The following SLC6A17 variants were observed in gnomAD, a reference collection of about 807,000 sequenced individuals.
The protein encoded by SLC6A17 is solute carrier family 6 member 17.
SLC6A17 carries 21 observed loss-of-function variants against 64.5 expected under a neutral mutation model. The observed-to-expected ratio is 0.33, with a 90% CI of 0.23 to 0.47. SLC6A17 has a LOEUF of 0.47. Ranked by LOEUF, SLC6A17 falls within the 20% of genes least tolerant of loss-of-function variation. SLC6A17 has a pLI of 1.00. For synonymous variants in SLC6A17, 372 were observed against 399.5 expected, an observed-to-expected ratio of 0.93 and a Z score of 0.82; for missense variants, 682 against 963.2, an observed-to-expected ratio of 0.71 and a Z score of 3.86.
At chr1:110,186,564 G>C (rs566904326) in intron 6 of SLC6A17, among the ~76,000 whole-genome samples, 1 of 152,124 alleles carries the variant, frequency 6.6e-6, no homozygotes, top group Non-Finnish European at 1.5e-5. Flanking sequence ...TATTCTAGAA[G>C]ACAGCATCTT....
At chr1:110,151,608 G>A (rs1368026764) in intron 1 of SLC6A17, among the ~76,000 whole-genome samples, 2 of 152,296 alleles carry the variant, frequency 1.3e-5, no homozygotes, top group African/African-American at 2.4e-5. Flanking sequence ...CTGGATGCTC[G>A]CAGTACTATG....
chr1:110,195,733 A>T lies in SLC6A17; in HGVS notation c.1640A>T (p.Tyr547Phe). The T allele has an allele frequency of 6.2e-7, 1 of 1,614,188 alleles. No individual in the cohort carries two copies. Among genetic ancestry groups the T allele is most frequent in the Non-Finnish European group, 8.5e-7 (1 of 1,180,030 alleles). ...GAGAACATCGCTGTGGCCTGGATTT[A>T]TGGAACCAAGAAGTAAGAGGAACAT... ...ILENIAVAWI[Y>F]GTKKFMQELT... Residue 547 changes from tyrosine to phenylalanine, a missense_variant, in exon 10 of 12, where the codon TAT becomes TTT. By Grantham distance (22) the Tyr-to-Phe change is conservative. Coordinates refer to ENST00000331565, the MANE Select transcript of SLC6A17 (RefSeq NM_001010898.4).
chr1:110,181,792 AGT>A (rs34512655), intron 6 of SLC6A17, among the ~76,000 whole-genome samples: 120,150 of 151,824 alleles, frequency 0.79, 47,790 homozygotes, highest in African/African-American at 0.82. Flanking sequence ...GGGAACAATG[AGT>A]GTGAAAAGGA....
chr1:110,195,571 C>G lies in SLC6A17; in HGVS notation c.1493-15C>G, dbSNP rs758076603. The G allele has an allele frequency of 2.5e-5, 40 of 1,613,766 alleles. No individual in the cohort carries two copies. The highest frequency in any genetic ancestry group is 3.3e-5 in the Admixed American group (2 of 60,022). On this transcript the variant is annotated splice_polypyrimidine_tract_variant and intron_variant, in intron 9 of 11. Coordinates refer to ENST00000331565, the MANE Select transcript of SLC6A17 (RefSeq NM_001010898.4). Reference sequence around the variant, plus strand: ...TGCACCTTTGCCCCCAAACCGGCCTCCCGGCTCTCTGTAGTGGGCTGCTGT... The same window carrying G: ...TGCACCTTTGCCCCCAAACCGGCCTGCCGGCTCTCTGTAGTGGGCTGCTGT...
At chr1:110,184,563 G>C (rs1433005725) in intron 6 of SLC6A17, among the ~76,000 whole-genome samples, 1 of 152,230 alleles carries the variant, frequency 6.6e-6, no homozygotes, top group Non-Finnish European at 1.5e-5. Flanking sequence ...AGCACAGAAA[G>C]GGTGGATAAC....
chr1:110,154,132 T>C (rs1026252520), intron 1 of SLC6A17, among the ~76,000 whole-genome samples: 3 of 152,240 alleles, frequency 2.0e-5, no homozygotes, highest in Admixed American at 2.0e-4. Flanking sequence ...CAGTTGCTTA[T>C]TGAGGCTTCT....
chr1:110,160,249 G>A (rs1361341916), intron 1 of SLC6A17, among the ~76,000 whole-genome samples: 2 of 152,204 alleles, frequency 1.3e-5, no homozygotes, highest in African/African-American at 4.8e-5. Context: ...CCCCTGGCTG[G>A]GACATGCAGA....
In SLC6A17 at chr1:110,192,222, C is replaced by T; in HGVS notation, c.1106+9C>T. ...GAGAAGTGTGTGGTCGAGTAGGTGG[C>T]ATCTCTCCTCCTGTCCCTCCTTCTC... On this transcript the variant is annotated intron_variant, in intron 7 of 11. Coordinates refer to ENST00000331565, the MANE Select transcript of SLC6A17 (RefSeq NM_001010898.4). This position sits in a 1 kb window ranked among gnomAD's most constrained non-coding sequence, Gnocchi z 4.3. The T allele has an allele frequency of 1.2e-6, 2 of 1,602,790 alleles. No homozygotes were observed. Among genetic ancestry groups the T allele is most frequent in the Non-Finnish European group, 1.7e-6 (2 of 1,172,024 alleles).
rs772852640 is a variant in SLC6A17, at chr1:110,172,135, G to A, written c.362G>A (p.Gly121Asp). The A allele has an allele frequency of 3.1e-6, 5 of 1,613,892 alleles. No individual in the cohort carries two copies. Among genetic ancestry groups the A allele is most frequent in the Non-Finnish European group, 4.2e-6 (5 of 1,179,974 alleles). ...IPLFFLELAV[G>D]QRIRRGSIGV... ...CTCTTCTTCCTGGAGCTGGCTGTGG[G>A]TCAGAGGATCCGCCGCGGCAGCATC... Residue 121 changes from glycine (G) to aspartate (D), a missense_variant, in exon 3 of 12, where the codon GGT becomes GAT. This residue lies in a region of SLC6A17 where 415 missense variants were observed against 603.8 expected (regional missense o/e 0.69). Transcript: ENST00000331565.
At chr1:110,153,225 T>G (rs1557827155) in intron 1 of SLC6A17, among the ~76,000 whole-genome samples, 1 of 152,096 alleles carries the variant, frequency 6.6e-6, no homozygotes, top group East Asian at 1.9e-4. Context: ...GTCACTTCTC[T>G]TTGTTCAGGT....
In SLC6A17 at chr1:110,200,229, T is replaced by G. The variant is rs1657088130; in HGVS notation, c.*1785T>G. The G allele has an allele frequency of 2.5e-6, 1 of 396,760 alleles. No homozygotes were observed. Among genetic ancestry groups the G allele is most frequent in the African/African-American group, 2.1e-5 (1 of 48,308 alleles). 24.6% of individuals were successfully genotyped at this position (396,760 alleles called of 1,614,324 possible). A position where few individuals can be genotyped will look rare whatever the true frequency, so the allele number is the denominator to read the frequency against. On this transcript the variant is annotated 3_prime_UTR_variant, in exon 12 of 12. Transcript: ENST00000331565. ...AGCAGTCTATCCCCCAACCCTGCCA[T>G]CTCCCTTACTCATCCCTCTTCCACA... is the stretch of plus-strand genomic sequence containing the variant.
intron 6 of SLC6A17, among the ~76,000 whole-genome samples, chr1:110,182,280 G>A (rs114361024): frequency 0.01 from 1,525 of 152,328 alleles, 8 homozygotes; most frequent in South Asian, 0.04. Flanking sequence ...TGGAAGGATG[G>A]AATTGACATT....
intron 2 of SLC6A17, among the ~76,000 whole-genome samples, chr1:110,169,550 C>A (rs973247042): frequency 4.6e-5 from 7 of 152,142 alleles, no homozygotes; most frequent in African/African-American, 1.7e-4. Flanking sequence ...GCTCTTACCA[C>A]CAAGATGGTC....
chr1:110,156,580 C>A (rs984657848), intron 1 of SLC6A17, among the ~76,000 whole-genome samples: 1 of 152,208 alleles, frequency 6.6e-6, no homozygotes, highest in African/African-American at 2.4e-5. Context: ...CATTTTATGG[C>A]TGGGTAATCT....
intron 6 of SLC6A17, among the ~76,000 whole-genome samples, chr1:110,187,674 A>T (rs1475013089): frequency 6.6e-6 from 1 of 152,250 alleles, no homozygotes; most frequent in Non-Finnish European, 1.5e-5. Flanking sequence ...TTTCTAGCCT[A>T]GGAGAAGCGC....
At position 110,173,990 on chromosome 1, in the gene SLC6A17, G is replaced by A. The variant is rs906157128; in HGVS notation, c.462G>A (p.Gly154=). ...GTCCCCAGGTCTGTCTCTTTGTGGG[G>A]CTGTATTATAATGTGATCATCGGGT... The part of the protein sequence containing the change: ...FSSCIVCLFV[G]LYYNVIIGWS... Residue 154 remains glycine (G), a synonymous_variant, in exon 4 of 12, where the codon GGG becomes GGA. Coordinates refer to ENST00000331565, the MANE Select transcript of SLC6A17 (RefSeq NM_001010898.4). 2.5e-6 allele frequency: 4 copies of A among 1,613,840 alleles called. No homozygotes were observed. The highest frequency in any genetic ancestry group is 3.4e-6 in the Non-Finnish European group (4 of 1,179,870).
chr1:110,160,306 T>C (rs899275062), intron 1 of SLC6A17, among the ~76,000 whole-genome samples: 10 of 152,380 alleles, frequency 6.6e-5, no homozygotes, highest in Non-Finnish European at 1.5e-4. Flanking sequence ...GTTAGTGTTT[T>C]ACCCCGCCTC....
At position 110,174,836 on chromosome 1, in the gene SLC6A17, C is replaced by T; in HGVS notation, c.629C>T (p.Ala210Val). Residue 210 changes from alanine (A) to valine (V), a missense_variant, in exon 5 of 12, where the codon GCC becomes GTC. Around this residue, in one of 3 missense-constraint regions of SLC6A17, gnomAD observed 415 missense variants for 603.8 expected, o/e 0.69. Coordinates refer to ENST00000331565, the MANE Select transcript of SLC6A17 (RefSeq NM_001010898.4). ...ACTACCTACTTCTGGTACCGAGAGG[C>T]CTTGGACATCTCTGACTCCATCTCG... ...SATTYFWYRE[A>V]LDISDSISES... 1 of 1,614,180 alleles carries T rather than the reference C, an allele frequency of 6.2e-7. No homozygotes were observed. The highest frequency in any genetic ancestry group is 8.5e-7 in the Non-Finnish European group (1 of 1,180,044).
chr1:110,191,109 T>TA (rs1656814798), intron 6 of SLC6A17, among the ~76,000 whole-genome samples: 1 of 152,154 alleles, frequency 6.6e-6, no homozygotes, highest in African/African-American at 2.4e-5. Flanking sequence ...CGAGACTCTA[T>TA]TACTATTCCC....
Sources: gnomAD v4.1 joint callset for allele counts (sites outside exome capture counted in the v4.1 genomes callset) on GRCh38, gnomAD v4.1.1 for gene constraint, gnomAD v4.1.1 regional missense constraint, Gnocchi (gnomAD v3.1) non-coding constraint, MANE v1.5 for transcripts, NCBI Gene and HGNC (gene_info 2026-07-23, HGNC 2026-07-21) for gene names.